Variants in ROBO1 observed in about 807,000 individuals in gnomAD.
ROBO1 encodes the protein roundabout homolog 1.
Under a neutral mutation model 195.9 loss-of-function variants are expected in ROBO1, and 149 were observed. The observed-to-expected ratio is 0.76, with a 90% confidence interval of 0.67 to 0.87. The LOEUF (loss-of-function observed/expected upper bound fraction) is 0.87, where lower values mean the gene tolerates loss of function less well. Among genes scored for constraint, ROBO1 ranks in the 40% least tolerant of loss-of-function variants. The pLI is 0.00. For synonymous variants in ROBO1, 816 were observed against 733.2 expected (o/e 1.11, Z -1.82); for missense variants, 1,933 against 2,068.3 (o/e 0.93, Z 1.27).
At chr3:78,988,915 C>CA (rs1157943125) in intron 3 of ROBO1, among the ~76,000 whole-genome samples, 3 of 151,668 alleles carry the variant, frequency 2.0e-5, no homozygotes, top group Non-Finnish European at 2.9e-5. Flanking sequence ...TGTCATATAC[C>CA]AAAAAAAGGT....
intron 1 of ROBO1, among the ~76,000 whole-genome samples, chr3:79,618,097 A>G (rs964330537): frequency 6.6e-6 from 1 of 152,044 alleles, no homozygotes; most frequent in Non-Finnish European, 1.5e-5. Context: ...TTTTTAAAAA[A>G]TGAACAAAGG....
In ROBO1 at chr3:78,891,758, T is replaced by TA. The variant is rs574232529; in HGVS notation, c.499+46842dup. On this transcript the variant is annotated intron_variant, in intron 4 of 30. Coordinates refer to ENST00000464233, the MANE Select transcript of ROBO1 (RefSeq NM_002941.4). ...ATACACATAGAATTCCACTCAGCAA[T>TA]AAAAAATGAATGAACTATTGATGTG... Among the ~76,000 whole-genome samples the TA allele has an allele frequency of 2.4e-4, 37 of 152,208 alleles. No homozygotes were observed. In the South Asian group the frequency reaches 6.6e-3, roughly 27 times the overall value.
At chr3:79,665,595 T>C (rs1946454254) in intron 1 of ROBO1, among the ~76,000 whole-genome samples, 1 of 151,678 alleles carries the variant, frequency 6.6e-6, no homozygotes, top group African/African-American at 2.4e-5. Flanking sequence ...AACATTTGAG[T>C]CTGTAAAATA....
intron 1 of ROBO1, among the ~76,000 whole-genome samples, chr3:79,658,455 T>A (rs7640127): frequency 0.59 from 89,255 of 151,912 alleles, 26,609 homozygotes; most frequent in African/African-American, 0.67. Context: ...AATTTGTACT[T>A]CCACATTTTT....
intron 2 of ROBO1, among the ~76,000 whole-genome samples, chr3:79,529,102 A>G (rs1381331617): frequency 1.3e-5 from 2 of 152,200 alleles, no homozygotes; most frequent in African/African-American, 4.8e-5. Flanking sequence ...TTAACATTCC[A>G]TAGTCTCTAC....
At chr3:79,069,789 A>G (rs2079057212) in intron 3 of ROBO1, among the ~76,000 whole-genome samples, 1 of 151,930 alleles carries the variant, frequency 6.6e-6, no homozygotes, top group Admixed American at 6.6e-5. Context: ...AAAATCTGAT[A>G]GCAATGGTAG....
In ROBO1 at chr3:78,685,822, A is replaced by G. The variant is rs1312865168; in HGVS notation, c.1266T>C (p.Asp422=). 2 of 1,612,216 alleles carry G rather than the reference A, an allele frequency of 1.2e-6. No individual in the cohort carries two copies. The highest frequency in any genetic ancestry group is 2.7e-5 in the African/African-American group (2 of 74,916). ...DLTITNVQRS[D]VGYYICQTLN... is the part of the protein sequence containing the mutation. ...AAGTCTGGCAGATGTAATAACCAAC[A>G]TCAGATCGCTGGACATTAGTAATTG... The change falls in exon 10 of 31, where the codon GAT becomes GAC. Residue 422 remains aspartate, a synonymous_variant. Coordinates refer to ENST00000464233, the MANE Select transcript of ROBO1 (RefSeq NM_002941.4).
At chr3:79,157,530 TA>T (rs2080880715) in intron 2 of ROBO1, among the ~76,000 whole-genome samples, 1 of 152,020 alleles carries the variant, frequency 6.6e-6, no homozygotes, top group East Asian at 1.9e-4. Context: ...AGTTTAAACC[TA>T]ACATCATATA....
At chr3:79,426,731 G>GT (rs932934372) in intron 2 of ROBO1, among the ~76,000 whole-genome samples, 8 of 151,730 alleles carry the variant, frequency 5.3e-5, no homozygotes, top group African/African-American at 7.3e-5. Context: ...TAGTTTCACT[G>GT]TTTTTTTTCT....
intron 2 of ROBO1, among the ~76,000 whole-genome samples, chr3:79,334,817 T>C (rs2034599297): frequency 6.6e-6 from 1 of 151,956 alleles, no homozygotes; most frequent in African/African-American, 2.4e-5. Context: ...AAAGGAAATA[T>C]ATTTTAGGCT....
intron 1 of ROBO1, among the ~76,000 whole-genome samples, chr3:79,726,686 A>C (rs972163687): frequency 6.6e-6 from 1 of 152,210 alleles, no homozygotes. Flanking sequence ...CGCCAACAGC[A>C]AGGCTTTGCT....
chr3:78,891,489 C>T (rs1294788576), intron 4 of ROBO1, among the ~76,000 whole-genome samples: 1 of 152,148 alleles, frequency 6.6e-6, no homozygotes, highest in African/African-American at 2.4e-5. Flanking sequence ...CAACCCTCTT[C>T]CACTGCTGGT....
intron 1 of ROBO1, among the ~76,000 whole-genome samples, chr3:79,673,897 A>G (rs1946705987): frequency 6.6e-6 from 1 of 152,026 alleles, no homozygotes; most frequent in Non-Finnish European, 1.5e-5. Flanking sequence ...ATGTAAAGAA[A>G]GACACATACA....
intron 4 of ROBO1, among the ~76,000 whole-genome samples, chr3:78,904,559 A>C (rs956736184): frequency 2.0e-5 from 3 of 151,864 alleles, no homozygotes; most frequent in African/African-American, 4.8e-5. Context: ...GGGCTGGATA[A>C]ATAAGCCGCA....
At chr3:79,491,173 C>A (rs1406472733) in intron 2 of ROBO1, among the ~76,000 whole-genome samples, 1 of 150,550 alleles carries the variant, frequency 6.6e-6, no homozygotes, top group Non-Finnish European at 1.5e-5. Flanking sequence ...AGAGCAGTGC[C>A]ATTGCTTGGG....
intron 2 of ROBO1, among the ~76,000 whole-genome samples, chr3:79,219,545 CTAAGTTGAA>C (rs1225492961): frequency 1.3e-5 from 2 of 151,932 alleles, no homozygotes; most frequent in African/African-American, 4.8e-5. Flanking sequence ...TTCAAAAGGG[CTAAGTTGAA>C]CCATGCATGA....
intron 3 of ROBO1, among the ~76,000 whole-genome samples, chr3:78,990,054 GA>G (rs1467557524): frequency 6.6e-6 from 1 of 151,904 alleles, no homozygotes; most frequent in Non-Finnish European, 1.5e-5. Context: ...GCCACTGCAG[GA>G]AAAAAGAAAG....
intron 2 of ROBO1, among the ~76,000 whole-genome samples, chr3:79,381,739 T>G (rs1419020282): frequency 6.6e-6 from 1 of 152,016 alleles, no homozygotes; most frequent in East Asian, 1.9e-4. Flanking sequence ...TTTATTAGTT[T>G]TCCTACAGAA....
Position 79,611,060 on chromosome 3 carries a change from C to T in ROBO1, c.-50-21099G>A, listed in dbSNP as rs77802903. Among the ~76,000 whole-genome samples, 859 of 152,044 alleles carry T rather than the reference C, an allele frequency of 5.6e-3. 5 individuals carry two copies. The highest frequency in any genetic ancestry group is 0.018 in the African/African-American group (745 of 41,520). On this transcript the variant is annotated intron_variant, in intron 1 of 30. Coordinates refer to ENST00000464233, the MANE Select transcript of ROBO1 (RefSeq NM_002941.4). ...TACCATTTTGTAATAAACTCATACT[C>T]CCTACATGGTACAAGAGTCAAAGGC...
Sources: gnomAD v4.1 joint callset for allele counts (sites outside exome capture counted in the v4.1 genomes callset) on GRCh38, gnomAD v4.1.1 for gene constraint, MANE v1.5 for transcripts, NCBI Gene and HGNC (gene_info 2026-07-23, HGNC 2026-07-21) for gene names.